PLA2G4A: variants seen among roughly 807,000 people sequenced by gnomAD.
PLA2G4A encodes the protein phospholipase A2 group IVA.
PLA2G4A carries 40 observed loss-of-function variants against 81.9 expected under a neutral mutation model. The ratio of observed to expected loss-of-function variants is 0.49; its 90% confidence interval spans 0.38 to 0.64. The LOEUF (loss-of-function observed/expected upper bound fraction) is 0.64, where lower values mean the gene tolerates loss of function less well. PLA2G4A is among the 30% of genes least tolerant of loss of function. The pLI is 0.00. For synonymous variants in PLA2G4A, 302 were observed against 296.9 expected (o/e 1.02, Z -0.18); for missense variants, 715 against 905.1 (o/e 0.79, Z 2.69).
rs535568507 is a variant in PLA2G4A at position 186,841,253 on chromosome 1, G to T, written c.-70+12218G>T. ...AAAAGATGAAAGTGATTCTTTTTGA[G>T]CTTTATTGGACCAATCCCAAGGAGA... is the stretch of plus-strand genomic sequence containing the variant. On this transcript the variant is annotated intron_variant, in intron 1 of 17. Coordinates refer to ENST00000367466, the MANE Select transcript of PLA2G4A (RefSeq NM_024420.3). Among the ~76,000 whole-genome samples the T allele has an allele frequency of 5.3e-5, 8 of 152,228 alleles. No homozygotes were observed. In the East Asian group the frequency reaches 1.5e-3, roughly 29 times the overall value.
intron 5 of PLA2G4A, among the ~76,000 whole-genome samples, chr1:186,898,304 G>A (rs547983753): frequency 1.3e-5 from 2 of 152,054 alleles, no homozygotes; most frequent in Non-Finnish European, 2.9e-5. Flanking sequence ...AAGGAACTAA[G>A]AATCTGTTTG....
At chr1:186,847,710 T>C (rs1353143945) in intron 1 of PLA2G4A, among the ~76,000 whole-genome samples, 1 of 152,002 alleles carries the variant, frequency 6.6e-6, no homozygotes, top group Non-Finnish European at 1.5e-5. Flanking sequence ...AAGAGTTTTG[T>C]TGTTGTTTTG....
rs1416134059 is a variant in PLA2G4A, at chr1:186,892,082, A to G, written c.116-929A>G. Among the ~76,000 whole-genome samples the G allele has an allele frequency of 2.6e-5, 4 of 151,948 alleles. No homozygotes were observed. The East Asian group carries it at 5.8e-4, about 22-fold the overall frequency. On this transcript the variant is annotated intron_variant, in intron 3 of 17. Coordinates refer to ENST00000367466, the MANE Select transcript of PLA2G4A (RefSeq NM_024420.3). ...TTTCATATGCTTGTTTCCCATTTGT[A>G]TGTCTTCTTTTGAGAAATGTCTATT...
At chr1:186,974,194 A>G (rs1394625255) in intron 15 of PLA2G4A, among the ~76,000 whole-genome samples, 1 of 152,136 alleles carries the variant, frequency 6.6e-6, no homozygotes, top group East Asian at 1.9e-4. Context: ...TCTGTTATTT[A>G]CAAATAACAT....
chr1:186,900,194 G>A (rs1654487183), intron 5 of PLA2G4A, among the ~76,000 whole-genome samples: 1 of 152,104 alleles, frequency 6.6e-6, no homozygotes, highest in Admixed American at 6.6e-5. Flanking sequence ...ATGAAATCAT[G>A]ATTCTCCTAC....
At chr1:186,935,561 C>T (rs1312790699) in intron 8 of PLA2G4A, among the ~76,000 whole-genome samples, 1 of 151,686 alleles carries the variant, frequency 6.6e-6, no homozygotes, top group East Asian at 1.9e-4. Flanking sequence ...TAGAAAAAGA[C>T]TCCTGCAGAG....
At chr1:186,882,819 G>A (rs1182809335) in intron 3 of PLA2G4A, among the ~76,000 whole-genome samples, 2 of 152,044 alleles carry the variant, frequency 1.3e-5, no homozygotes, top group South Asian at 2.1e-4. Flanking sequence ...TGAAATGAAG[G>A]AGTCAGATGT....
At chr1:186,864,370 C>T (rs999412580) in intron 2 of PLA2G4A, among the ~76,000 whole-genome samples, 2 of 151,994 alleles carry the variant, frequency 1.3e-5, no homozygotes, top group African/African-American at 4.8e-5. Flanking sequence ...TTTTGAAAAA[C>T]CTCCATACTG....
At chr1:186,917,016 G>T (rs1415638014) in intron 7 of PLA2G4A, among the ~76,000 whole-genome samples, 10 of 152,254 alleles carry the variant, frequency 6.6e-5, no homozygotes, top group African/African-American at 2.4e-4. Flanking sequence ...GGGTTGTCCG[G>T]GCTCGGTTTT....
chr1:186,956,352 T>C lies in PLA2G4A; in HGVS notation c.1579+8T>C. The C allele has an allele frequency of 6.2e-7, 1 of 1,612,862 alleles. No individual in the cohort carries two copies. The highest frequency in any genetic ancestry group is 1.3e-5 in the African/African-American group (1 of 75,050). The stretch of plus-strand genomic sequence containing the variant: ...TGGATGCAGCTGTAGCAGGTAAGTG[T>C]ACAAATATAATTAGTGGGAGCTAAT... On this transcript the variant is annotated splice_region_variant and intron_variant, in intron 14 of 17. Transcript: ENST00000367466.
chr1:186,958,658 T>C (rs1656839323), intron 14 of PLA2G4A, among the ~76,000 whole-genome samples: 1 of 152,230 alleles, frequency 6.6e-6, no homozygotes, highest in African/African-American at 2.4e-5. Flanking sequence ...CCCTTAGCCC[T>C]TGGTTTTCTT....
chr1:186,878,350 A>ATC (rs1341967469), intron 3 of PLA2G4A, among the ~76,000 whole-genome samples: 3 of 135,296 alleles, frequency 2.2e-5, no homozygotes, highest in East Asian at 2.1e-4. Context: ...TTTTATATAT[A>ATC]TATATAAATA....
At chr1:186,859,396 G>T (rs955293956) in intron 2 of PLA2G4A, among the ~76,000 whole-genome samples, 7 of 151,944 alleles carry the variant, frequency 4.6e-5, no homozygotes, top group African/African-American at 1.5e-4. Context: ...TTTTGACCAG[G>T]AGCCATGAAT....
chr1:186,930,173 T>C (rs1214718975), intron 7 of PLA2G4A, among the ~76,000 whole-genome samples: 3 of 152,146 alleles, frequency 2.0e-5, no homozygotes, highest in Non-Finnish European at 4.4e-5. Flanking sequence ...ATAATGTAAA[T>C]GCATGCTTAA....
chr1:186,897,595 G>C (rs866962600), intron 5 of PLA2G4A, among the ~76,000 whole-genome samples: 4 of 152,156 alleles, frequency 2.6e-5, no homozygotes, highest in African/African-American at 9.6e-5. Context: ...TGCAACTTCT[G>C]CCTCCCAAGT....
intron 1 of PLA2G4A, among the ~76,000 whole-genome samples, chr1:186,836,331 T>G (rs544436611): frequency 2.6e-5 from 4 of 150,962 alleles, no homozygotes; most frequent in Non-Finnish European, 5.9e-5. Flanking sequence ...TATATTAATA[T>G]GTACATAAGA....
chr1:186,948,210 T>C (rs555677760), intron 12 of PLA2G4A, among the ~76,000 whole-genome samples: 4 of 152,272 alleles, frequency 2.6e-5, no homozygotes, highest in East Asian at 3.9e-4. Context: ...TATAATTTCA[T>C]TGGAGCCAAA....
chr1:186,920,411 C>A lies in PLA2G4A; in HGVS notation c.558+9022C>A, dbSNP rs561802802. Among the ~76,000 whole-genome samples, 6 of 152,246 alleles carry A rather than the reference C, an allele frequency of 3.9e-5. 1 individual carries two copies. In the South Asian group the frequency reaches 1.2e-3, roughly 32 times the overall value. ...GTTGCTCTGATTATATCAAAGGGGG[C>A]GACTGGGGTGGTCACTACTGAATGT... On this transcript the variant is annotated intron_variant, in intron 7 of 17. Transcript: ENST00000367466.
chr1:186,833,502 A>G (rs892037057), intron 1 of PLA2G4A, among the ~76,000 whole-genome samples: 1 of 152,152 alleles, frequency 6.6e-6, no homozygotes, highest in Non-Finnish European at 1.5e-5. Flanking sequence ...CTACCCCTTG[A>G]CTATTAGGGC....
Sources: allele counts gnomAD v4.1 joint callset (sites outside exome capture counted in the v4.1 genomes callset), GRCh38; gene constraint gnomAD v4.1.1; transcripts MANE v1.5; gene names NCBI Gene and HGNC (gene_info 2026-07-23, HGNC 2026-07-21).